TLE1: variants seen among roughly 807,000 people sequenced by gnomAD.
The protein encoded by TLE1 is transducin-like enhancer protein 1.
A neutral mutation model predicts 89.8 loss-of-function variants in TLE1; 21 were observed. The observed-to-expected ratio is 0.23, with a 90% CI of 0.17 to 0.34. The LOEUF is 0.34. TLE1 is among the 10% of genes least tolerant of loss of function. The probability of loss-of-function intolerance (pLI) is 1.00; values close to 1 mark genes in which losing one functional copy is unlikely to be tolerated. For synonymous variants in TLE1, 447 were observed against 407.6 expected (o/e 1.10, Z -1.16); for missense variants, 795 against 1,031.2 (o/e 0.77, Z 3.14).
At chr9:81,668,123 C>T (rs1831728132) in intron 4 of TLE1, among the ~76,000 whole-genome samples, 1 of 151,784 alleles carries the variant, frequency 6.6e-6, no homozygotes, top group South Asian at 2.1e-4. Context: ...CGAGATCGCG[C>T]CACTGCACTC....
chr9:81,654,078 A>G, intron 4 of TLE1, 42 bp from the exon 5 acceptor site: 6 of 1,598,690 alleles, frequency 3.8e-6, no homozygotes, highest in South Asian at 3.3e-5. Flanking sequence ...ATACTTCACA[A>G]TCAGTTCAGA....
At chr9:81,682,452 TG>T (rs1334234331) in intron 4 of TLE1, among the ~76,000 whole-genome samples, 1 of 152,280 alleles carries the variant, frequency 6.6e-6, no homozygotes, top group East Asian at 1.9e-4. Context: ...CATTGAAAAC[TG>T]TTCATTACTG....
Position 81,689,484 on chromosome 9 carries a change from T to TGCTGCTTCTGCAGCCGCC in TLE1, c.-1262_-1245dup, listed in dbSNP as rs1377972763. Among the ~76,000 whole-genome samples the TGCTGCTTCTGCAGCCGCC allele has an allele frequency of 2.0e-5, 3 of 152,108 alleles. No homozygotes were observed. The highest frequency in any genetic ancestry group is 4.4e-5 in the Non-Finnish European group (3 of 68,000). ...GAGTACCCGCCGCTGTTTCTGCTGC[T>TGCTGCTTCTGCAGCCGCC]GCTGCTTCTGCAGCCGCCGCTCCCA... On this transcript the variant is annotated 5_prime_UTR_variant, in exon 1 of 20. Transcript: ENST00000376499.
chr9:81,673,724 C>T (rs780240088), intron 4 of TLE1, among the ~76,000 whole-genome samples: 7 of 152,096 alleles, frequency 4.6e-5, no homozygotes, highest in African/African-American at 7.2e-5. Context: ...CGGCTTCTGG[C>T]GGACCAATTC....
At chr9:81,680,444 T>C (rs1168150956) in intron 4 of TLE1, among the ~76,000 whole-genome samples, 1 of 152,212 alleles carries the variant, frequency 6.6e-6, no homozygotes, top group Non-Finnish European at 1.5e-5. Context: ...GGACATGTTG[T>C]TCCTTGAAGA....
intron 15 of TLE1, 72 bp downstream of exon 15, chr9:81,592,953 G>T: frequency 6.4e-7 from 1 of 1,550,402 alleles, no homozygotes; most frequent in Non-Finnish European, 8.8e-7. Context: ...TAAAACCCAG[G>T]CCCACACAGC....
At chr9:81,645,374 A>AT (rs1325245262) in intron 6 of TLE1, among the ~76,000 whole-genome samples, 1 of 149,358 alleles carries the variant, frequency 6.7e-6, no homozygotes, top group Non-Finnish European at 1.5e-5. Context: ...TCCAAAAAAA[A>AT]AAAAATAATA....
intron 6 of TLE1, among the ~76,000 whole-genome samples, chr9:81,649,903 AT>A (rs1157952298): frequency 1.3e-5 from 2 of 152,236 alleles, no homozygotes; most frequent in African/African-American, 2.4e-5. Context: ...ATGCCACAGC[AT>A]GAAACTTAAG....
intron 17 of TLE1, 113 bp from the exon 18 acceptor site, chr9:81,585,768 TC>T: frequency 7.3e-7 from 1 of 1,374,616 alleles, no homozygotes; most frequent in Non-Finnish European, 9.8e-7. Context: ...ATCAGCCAAG[TC>T]CAGACTGTGG....
At chr9:81,645,000 CAAAAAAAAAAAA>C (rs150421441) in intron 6 of TLE1, among the ~76,000 whole-genome samples, 1,544 of 65,012 alleles carry the variant, frequency 0.024, 21 homozygotes, top group Non-Finnish European at 0.033. Context: ...GACACTGTCT[CAAAAAAAAAAAA>C]AAAAAAAAAA....
At chr9:81,643,315 C>A (rs915611171) in intron 6 of TLE1, among the ~76,000 whole-genome samples, 1 of 152,058 alleles carries the variant, frequency 6.6e-6, no homozygotes, top group Non-Finnish European at 1.5e-5. Context: ...CGGCTCACGG[C>A]AACCTCCACC....
At chr9:81,651,754 C>T (rs1386250899) in intron 6 of TLE1, among the ~76,000 whole-genome samples, 2 of 152,058 alleles carry the variant, frequency 1.3e-5, no homozygotes, top group Non-Finnish European at 2.9e-5. Context: ...TAACCTAAAG[C>T]TTTTACTAGA....
chr9:81,668,657 T>C (rs928615183), intron 4 of TLE1, among the ~76,000 whole-genome samples: 7 of 152,060 alleles, frequency 4.6e-5, no homozygotes, highest in Admixed American at 2.6e-4. Context: ...ACAGAATCTA[T>C]TCAGAGTTAC....
At chr9:81,658,277 C>G (rs755956684) in intron 4 of TLE1, among the ~76,000 whole-genome samples, 1 of 152,034 alleles carries the variant, frequency 6.6e-6, no homozygotes, top group Non-Finnish European at 1.5e-5. Flanking sequence ...TTCACAGATG[C>G]AGAACCCACA....
intron 4 of TLE1, among the ~76,000 whole-genome samples, chr9:81,683,226 T>TC (rs1231456061): frequency 6.6e-6 from 1 of 151,928 alleles, no homozygotes; most frequent in Non-Finnish European, 1.5e-5. Context: ...CACTGCATTT[T>TC]TTTTTTTTTT....
intron 4 of TLE1, among the ~76,000 whole-genome samples, chr9:81,675,609 C>T (rs1005525203): frequency 1.3e-5 from 2 of 151,938 alleles, no homozygotes; most frequent in African/African-American, 4.8e-5. Context: ...GATCACTCTT[C>T]CAAAAGAAAA....
intron 6 of TLE1, among the ~76,000 whole-genome samples, chr9:81,644,411 C>T (rs539269458): frequency 6.6e-5 from 10 of 152,212 alleles, no homozygotes; most frequent in East Asian, 1.9e-4. Context: ...ACTGGTGATA[C>T]GACAACATGG....
chr9:81,664,905 G>A (rs1831268450), intron 4 of TLE1, among the ~76,000 whole-genome samples: 1 of 152,166 alleles, frequency 6.6e-6, no homozygotes, highest in Admixed American at 6.5e-5. Flanking sequence ...AGGTGACCCT[G>A]AGGCTCTTGG....
intron 8 of TLE1, among the ~76,000 whole-genome samples, chr9:81,624,919 A>G (rs1825725341): frequency 6.6e-6 from 1 of 152,194 alleles, no homozygotes; most frequent in East Asian, 1.9e-4. Flanking sequence ...CTGAAATTCT[A>G]AAACCAAATA....
Sources: allele counts gnomAD v4.1 joint callset (sites outside exome capture counted in the v4.1 genomes callset), GRCh38; gene constraint gnomAD v4.1.1; transcripts MANE v1.5; gene names NCBI Gene and HGNC (gene_info 2026-07-23, HGNC 2026-07-21).